The following TOX4 variants were observed in gnomAD, a reference collection of about 807,000 sequenced individuals.
TOX4 encodes epidermal Langerhans cell protein LCP1.
In TOX4, 12 loss-of-function variants were observed where a neutral mutation model predicts 61.0. The observed-to-expected ratio is 0.20, with a 90% CI of 0.13 to 0.32. The LOEUF (loss-of-function observed/expected upper bound fraction) is 0.32. TOX4 is among the 10% of genes least tolerant of loss of function. The probability of loss-of-function intolerance (pLI) is 1.00; values close to 1 mark genes in which losing one functional copy is unlikely to be tolerated. For missense variants in TOX4, 499 were observed against 753.3 expected (o/e 0.66, Z 3.95); for synonymous variants, 268 against 274.8 (o/e 0.98, Z 0.24).
At position 21,478,970 on chromosome 14, in the gene TOX4, A is replaced by T. The variant is rs1029678303; in HGVS notation, c.75+1406A>T. Among the ~76,000 whole-genome samples the T allele has an allele frequency of 5.0e-5, 7 of 140,420 alleles. No homozygotes were observed. In the Admixed American group the frequency reaches 5.0e-4, roughly 10 times the overall value. The allele number at this position is 140,420 out of a possible 152,430, so 92.1% of individuals were successfully genotyped here. A position where few individuals can be genotyped will look rare whatever the true frequency, so the allele number is the denominator to read the frequency against. Reference sequence around the variant, plus strand: ...AGGTGTGCGCCACCACACCCAGCTAATTTTTTTTTTTTTTTTGAATTTTTG... The same window carrying T: ...AGGTGTGCGCCACCACACCCAGCTATTTTTTTTTTTTTTTTTGAATTTTTG... On this transcript the variant is annotated intron_variant, in intron 2 of 8. Transcript: ENST00000448790.
chr14:21,492,087 T>G, intron 5 of TOX4: 13 of 458,574 alleles, frequency 2.8e-5, no homozygotes, highest in East Asian at 3.5e-5. Flanking sequence ...CTCCTGTCGA[T>G]TGGTTGTCTT....
chr14:21,490,376 G>A (rs1413229488), intron 5 of TOX4, among the ~76,000 whole-genome samples: 1 of 152,134 alleles, frequency 6.6e-6, no homozygotes, highest in Admixed American at 6.5e-5. Flanking sequence ...TCAGGCGGCT[G>A]AGGCAGGAGA....
chr14:21,489,444 G>T (rs1368739093), intron 5 of TOX4, 41 bp downstream of exon 5: 1 of 1,543,616 alleles, frequency 6.5e-7, no homozygotes, highest in Admixed American at 2.1e-5. Context: ...TGTTCCAGAA[G>T]TTTTTAAAGA....
intron 5 of TOX4, among the ~76,000 whole-genome samples, chr14:21,491,395 T>A (rs1382658475): frequency 1.3e-5 from 2 of 152,078 alleles, no homozygotes. Flanking sequence ...AGTCTCACTG[T>A]GTCGCCCAGG....
chr14:21,488,555 AT>A (rs769348727), intron 3 of TOX4, 34 bp from the exon 4 acceptor site: 35 of 1,585,032 alleles, frequency 2.2e-5, no homozygotes, highest in Middle Eastern at 1.7e-4. Flanking sequence ...TTTTTTTTAT[AT>A]TTAGTGTTTA....
rs756384299 is a variant in TOX4 at position 21,498,339 on chromosome 14, G to A, written c.*1733G>A. On this transcript the variant is annotated 3_prime_UTR_variant, in exon 9 of 9. Transcript: ENST00000448790. The stretch of plus-strand genomic sequence containing the variant: ...CAACCACATCTGGGTCTAGTAGGTG[G>A]ATCCCATCCAGTTGGTTTCCAAGGG... 1 of 1,614,114 alleles carries A rather than the reference G, an allele frequency of 6.2e-7. No individual in the cohort carries two copies. The highest frequency in any genetic ancestry group is 8.5e-7 in the Non-Finnish European group (1 of 1,180,014).
chr14:21,477,358 G>C (rs1030387454), intron 1 of TOX4, 74 bp downstream of exon 1: 4 of 1,613,562 alleles, frequency 2.5e-6, no homozygotes, highest in Non-Finnish European at 3.4e-6. Flanking sequence ...GGGAAGCCGG[G>C]CGGAGAGGCG....
chr14:21,491,747 C>T (rs1473868482), intron 5 of TOX4, among the ~76,000 whole-genome samples: 2 of 150,762 alleles, frequency 1.3e-5, no homozygotes, highest in African/African-American at 2.4e-5. Flanking sequence ...CGTGGTGGCT[C>T]ACGCCTGTAA....
chr14:21,478,711 T>C (rs1891053593), intron 2 of TOX4, among the ~76,000 whole-genome samples: 1 of 152,228 alleles, frequency 6.6e-6, no homozygotes, highest in South Asian at 2.1e-4. Flanking sequence ...TTACCAAGAA[T>C]TGTCAGTGGC....
At chr14:21,485,898 G>A (rs1248080543) in intron 2 of TOX4, among the ~76,000 whole-genome samples, 1 of 104,866 alleles carries the variant, frequency 9.5e-6, no homozygotes, top group Non-Finnish European at 2.1e-5. Flanking sequence ...GACAGAAATG[G>A]TCATAATAGA....
intron 2 of TOX4, among the ~76,000 whole-genome samples, chr14:21,478,515 A>G (rs1181228445): frequency 6.6e-6 from 1 of 152,218 alleles, no homozygotes; most frequent in Non-Finnish European, 1.5e-5. Context: ...TGTTCGTTAA[A>G]AAAGTTTGGT....
In TOX4 at chr14:21,498,681, T is replaced by G; in HGVS notation, c.*2075T>G. ...AATGCTAGCAGCATGTGTTTTAAGC[T>G]CTGTTAAGGGGTGAAAGATGTAATT... On this transcript the variant is annotated 3_prime_UTR_variant, in exon 9 of 9. Transcript: ENST00000448790. 2.1e-6 allele frequency: 1 copy of G among 478,362 alleles called. No homozygotes were observed. Among genetic ancestry groups the G allele is most frequent in the South Asian group, 2.7e-5 (1 of 36,918 alleles). 29.6% of individuals were successfully genotyped at this position (478,362 alleles called of 1,614,324 possible).
In TOX4 at chr14:21,498,786, G is replaced by C; in HGVS notation, c.*2180G>C. 1 of 511,858 alleles carries C rather than the reference G, an allele frequency of 2.0e-6. No individual in the cohort carries two copies. The highest frequency in any genetic ancestry group is 2.5e-5 in the South Asian group (1 of 39,342). The allele number at this position is 511,858 out of a possible 1,614,324, so 31.7% of individuals were successfully genotyped here. On this transcript the variant is annotated 3_prime_UTR_variant, in exon 9 of 9. Transcript: ENST00000448790. The stretch of plus-strand genomic sequence containing the variant: ...CACAGAATGGCTGAGGAAGATCCTT[G>C]GGTTGTGAAGAGAGTAGAAACCCTA...
Position 21,498,387 on chromosome 14 carries a change from G to A in TOX4, c.*1781G>A, listed in dbSNP as rs758557131. 1 of 1,612,688 alleles carries A rather than the reference G, an allele frequency of 6.2e-7. No individual in the cohort carries two copies. Among genetic ancestry groups the A allele is most frequent in the Non-Finnish European group, 8.5e-7 (1 of 1,179,478 alleles). The stretch of plus-strand genomic sequence containing the variant: ...GGGTGATCCTGAAACAGTGTAAAAG[G>A]AGGGGCAAACCAGAAATCCTGGAAT... On this transcript the variant is annotated 3_prime_UTR_variant, in exon 9 of 9. Coordinates refer to ENST00000448790, the MANE Select transcript of TOX4 (RefSeq NM_014828.4).
chr14:21,485,592 A>G lies in TOX4; in HGVS notation c.76-1859A>G. ...AGACTCTATCTCAAAAAAAAAAAAAACTGCCAGGTGCGGTGGCCCATGCCT... is the reference window on the plus strand; with the variant it reads ...AGACTCTATCTCAAAAAAAAAAAAAGCTGCCAGGTGCGGTGGCCCATGCCT... On this transcript the variant is annotated intron_variant, in intron 2 of 8. Transcript: ENST00000448790. Among the ~76,000 whole-genome samples the G allele has an allele frequency of 2.0e-5, 2 of 100,678 alleles. 1 individual carries two copies. Among genetic ancestry groups the G allele is most frequent in the Non-Finnish European group, 4.3e-5 (2 of 46,350 alleles). The allele number at this position is 100,678 out of a possible 152,430, so 66.0% of individuals were successfully genotyped here.
rs571846793 is a variant in TOX4 at position 21,492,903 on chromosome 14, T to A, written c.1287T>A (p.Ala429=). The change falls in exon 7 of 9, where the codon GCT becomes GCA. Residue 429 remains alanine, a synonymous_variant. Transcript: ENST00000448790. The part of the protein sequence containing the change: ...VTRSVLQAAA[A]AAAAASMQLP... ...GGTCAGTGTTGCAGGCAGCAGCAGC[T>A]GCTGCTGCTGCTGCTTCTATGCAAC... 153 of 1,590,934 alleles carry A rather than the reference T, an allele frequency of 9.6e-5. No individual in the cohort carries two copies. The highest frequency in any genetic ancestry group is 2.7e-4 in the Admixed American group (15 of 55,176).
intron 2 of TOX4, among the ~76,000 whole-genome samples, chr14:21,480,416 C>T (rs1482870795): frequency 6.6e-6 from 1 of 152,108 alleles, no homozygotes; most frequent in Admixed American, 6.5e-5. Context: ...ACTTCTACAC[C>T]TTCCCTTTCC....
At chr14:21,489,107 G>A in intron 4 of TOX4, 66 bp from the exon 5 acceptor site, 3 of 1,510,440 alleles carry the variant, frequency 2.0e-6, no homozygotes, top group South Asian at 2.5e-5. Flanking sequence ...CATACATGTG[G>A]CTAGTTTCCA....
Position 21,488,685 on chromosome 14 carries a change from T to A in TOX4, c.414T>A (p.His138Gln). ...ACATGACATCTGGCTTGATGGGGCA[T>A]AGCCAGTTGACCACCATTGATCAGT... is the stretch of plus-strand genomic sequence containing the variant. ...MTDMTSGLMG[H>Q]SQLTTIDQSE... The change falls in exon 4 of 9, where the codon CAT (histidine) becomes CAA (glutamine). Residue 138 changes from histidine (H) to glutamine (Q), a missense_variant. Physicochemically the swap from His to Gln is conservative, Grantham distance 24. This residue lies in a region of TOX4 where 90 missense variants were observed against 109.5 expected (regional missense o/e 0.82). Transcript: ENST00000448790. 1 of 1,614,186 alleles carries A rather than the reference T, an allele frequency of 6.2e-7. No homozygotes were observed. Among genetic ancestry groups the A allele is most frequent in the Non-Finnish European group, 8.5e-7 (1 of 1,180,040 alleles).
Sources: gnomAD v4.1 joint callset for allele counts (sites outside exome capture counted in the v4.1 genomes callset) on GRCh38, gnomAD v4.1.1 for gene constraint, gnomAD v4.1.1 regional missense constraint, MANE v1.5 for transcripts, NCBI Gene and HGNC (gene_info 2026-07-23, HGNC 2026-07-21) for gene names.